The following ERFL variants were observed in gnomAD, a reference collection of about 807,000 sequenced individuals.
ERFL encodes ETS domain-containing transcription factor ERF-like.
A neutral mutation model predicts 27.9 loss-of-function variants in ERFL; 8 were observed. That is an observed-to-expected ratio of 0.29 (90% CI 0.17 to 0.52). The LOEUF (loss-of-function observed/expected upper bound fraction) is 0.52. ERFL is among the 20% of genes least tolerant of loss of function. The probability of loss-of-function intolerance (pLI) is 0.97; values close to 1 mark genes in which losing one functional copy is unlikely to be tolerated. For missense variants in ERFL, 294 were observed against 444.4 expected, an observed-to-expected ratio of 0.66 and a Z score of 3.04; for synonymous variants, 174 against 202.8, an observed-to-expected ratio of 0.86 and a Z score of 1.21.
chr19:41,927,920 T>C (rs1247616851), intron 1 of ERFL, 120 bp downstream of exon 1: 1 of 150,774 alleles, frequency 6.6e-6, no homozygotes, highest in Non-Finnish European at 1.5e-5. Flanking sequence ...CGCCTACCCC[T>C]CCACCGGCTC....
In ERFL at chr19:41,917,364, C is replaced by G. The variant is rs1289042549; in HGVS notation, c.-13-4432G>C. ...TCCTAACGCCCCATCACCACGCCCC[C>G]CTGGGCTGGGGTTTAACCAGTTGTT... On this transcript the variant is annotated intron_variant, in intron 1 of 5. Coordinates refer to ENST00000597630, the MANE Select transcript of ERFL (RefSeq NM_001365103.2). This position sits in a 1 kb window ranked among gnomAD's most constrained non-coding sequence, Gnocchi z 4.8. Among the ~76,000 whole-genome samples the G allele has an allele frequency of 4.6e-5, 7 of 152,008 alleles. No homozygotes were observed. The highest frequency in any genetic ancestry group is 6.6e-5 in the Admixed American group (1 of 15,252).
rs1230244292 is a variant in ERFL at position 41,916,414 on chromosome 19, C to T, written c.-13-3482G>A. Among the ~76,000 whole-genome samples the T allele has an allele frequency of 6.6e-6, 1 of 152,112 alleles. No individual in the cohort carries two copies. The highest frequency in any genetic ancestry group is 2.4e-5 in the African/African-American group (1 of 41,408). Reference sequence around the variant, plus strand: ...GTAAAGTCACACACCAACACTGTCACAGTCACACACACACACATCAGCATA... The same window carrying T: ...GTAAAGTCACACACCAACACTGTCATAGTCACACACACACACATCAGCATA... On this transcript the variant is annotated intron_variant, in intron 1 of 5. Transcript: ENST00000597630. The surrounding 1 kb of genome is among the most constrained non-coding windows in gnomAD (Gnocchi z 5.4).
At position 41,908,382 on chromosome 19, in the gene ERFL, G is replaced by A. The variant is rs1177130515; in HGVS notation, c.911C>T (p.Ala304Val). Reference sequence around the variant, plus strand: ...ACCAAGGGCAGCCTCTGGACCCCCAGCCCCTGGCAGCGCCAGGCGAGGGGC... The same window carrying A: ...ACCAAGGGCAGCCTCTGGACCCCCAACCCCTGGCAGCGCCAGGCGAGGGGC... ...AAAPRLALPG[A>V]GGPEAALGGK... Residue 304 changes from alanine (A) to valine (V), a missense_variant, in exon 6 of 6, where the codon GCT becomes GTT. By Grantham distance (64) the Ala-to-Val change is moderately conservative. Transcript: ENST00000597630. The surrounding 1 kb of genome is among the most constrained non-coding windows in gnomAD (Gnocchi z 6.7). 3 of 1,231,194 alleles carry A rather than the reference G, an allele frequency of 2.4e-6. No individual in the cohort carries two copies. In the African/African-American group the frequency reaches 4.7e-5, roughly 19 times the overall value. 76.3% of individuals were successfully genotyped at this position (1,231,194 alleles called of 1,614,324 possible).
intron 2 of ERFL, among the ~76,000 whole-genome samples, chr19:41,912,210 A>G (rs1246918839): frequency 1.3e-5 from 2 of 152,306 alleles, no homozygotes; most frequent in African/African-American, 4.8e-5. Context: ...CTGTGCAGAC[A>G]CATTCTCCCA....
chr19:41,922,423 T>C (rs782623727), intron 1 of ERFL, among the ~76,000 whole-genome samples: 3 of 151,542 alleles, frequency 2.0e-5, no homozygotes, highest in African/African-American at 4.9e-5. Flanking sequence ...GAGGGGCAGA[T>C]GGATGGGACT....
chr19:41,913,752 C>T (rs1337526551), intron 1 of ERFL, among the ~76,000 whole-genome samples: 2 of 150,800 alleles, frequency 1.3e-5, no homozygotes, highest in Non-Finnish European at 3.0e-5. Context: ...TCCATCCCCT[C>T]CTCACTCCAG....
At position 41,915,804 on chromosome 19, in the gene ERFL, T is replaced by C. The variant is rs539912435; in HGVS notation, c.-13-2872A>G. On this transcript the variant is annotated intron_variant, in intron 1 of 5. Coordinates refer to ENST00000597630, the MANE Select transcript of ERFL (RefSeq NM_001365103.2). ...CTGGCCCCATTGATCGCTGATCGAC[T>C]GATGGAGGGAGCGCGGCCTGCGGGG... Among the ~76,000 whole-genome samples the C allele has an allele frequency of 1.1e-3, 170 of 152,234 alleles. 1 individual carries two copies. Among genetic ancestry groups the C allele is most frequent in the African/African-American group, 3.6e-3 (151 of 41,558 alleles).
intron 1 of ERFL, among the ~76,000 whole-genome samples, chr19:41,923,694 G>A (rs1322398985): frequency 1.7e-5 from 1 of 57,606 alleles, no homozygotes; most frequent in African/African-American, 8.3e-5. Context: ...GGAGGCAGGG[G>A]TGTGCTGGGA....
chr19:41,912,060 T>C (rs2074755565), intron 2 of ERFL, among the ~76,000 whole-genome samples: 1 of 151,152 alleles, frequency 6.6e-6, no homozygotes, highest in East Asian at 1.9e-4. Flanking sequence ...CAAAGGCTCC[T>C]CACCCCACTC....
In ERFL at chr19:41,910,120, G is replaced by A; in HGVS notation, c.68-23C>T. The stretch of plus-strand genomic sequence containing the variant: ...ACCCTGGGGACGGGAGGCAGGGAGT[G>A]GCCTGGGGTCAGGATGCCAAGTCCA... On this transcript the variant is annotated intron_variant, in intron 2 of 5. Transcript: ENST00000597630. The surrounding 1 kb of genome is among the most constrained non-coding windows in gnomAD (Gnocchi z 4.4). 1 of 1,600,808 alleles carries A rather than the reference G, an allele frequency of 6.2e-7. No individual in the cohort carries two copies. The highest frequency in any genetic ancestry group is 8.5e-7 in the Non-Finnish European group (1 of 1,173,846).
chr19:41,909,058 AC>A lies in ERFL; in HGVS notation c.616+1del. On this transcript the variant is annotated splice_donor_variant, in intron 5 of 5. Coordinates refer to ENST00000597630, the MANE Select transcript of ERFL (RefSeq NM_001365103.2). LOFTEE classifies it high-confidence loss of function. The surrounding 1 kb of genome is among the most constrained non-coding windows in gnomAD (Gnocchi z 5.2). ...AGCACCCCAGAACCTCCAGGCTCTT[AC>A]CAGAGCCCAGGAATGGGAAAGGGCT... The A allele has an allele frequency of 8.2e-7, 1 of 1,224,598 alleles. No individual in the cohort carries two copies. Among genetic ancestry groups the A allele is most frequent in the African/African-American group, 1.6e-5 (1 of 63,896 alleles). 75.9% of individuals were successfully genotyped at this position (1,224,598 alleles called of 1,614,324 possible).
intron 1 of ERFL, among the ~76,000 whole-genome samples, chr19:41,926,047 A>T (rs988416389): frequency 6.6e-6 from 1 of 151,940 alleles, no homozygotes; most frequent in African/African-American, 2.4e-5. Flanking sequence ...AAGAAATACG[A>T]ATGTGTGAGG....
chr19:41,916,878 CCAGACACACT>C lies in ERFL; in HGVS notation c.-13-3956_-13-3947del, dbSNP rs1285746581. Reference sequence around the variant, plus strand: ...CCTGCAGAGGTACACACAGACACACCCAGACACACTGGGTAGGGGTGGGCACTCAGAGATG... The same window carrying C: ...CCTGCAGAGGTACACACAGACACACCGGGTAGGGGTGGGCACTCAGAGATG... On this transcript the variant is annotated intron_variant, in intron 1 of 5. Transcript: ENST00000597630. This position sits in a 1 kb window ranked among gnomAD's most constrained non-coding sequence, Gnocchi z 5.4. Among the ~76,000 whole-genome samples the C allele has an allele frequency of 1.3e-5, 2 of 152,010 alleles. No individual in the cohort carries two copies. The highest frequency in any genetic ancestry group is 1.3e-4 in the Admixed American group (2 of 15,258).
intron 1 of ERFL, among the ~76,000 whole-genome samples, chr19:41,922,120 G>A (rs375492221): frequency 6.6e-6 from 1 of 152,086 alleles, no homozygotes; most frequent in Non-Finnish European, 1.5e-5. Context: ...AGCGGGGTGT[G>A]GTGTACACCA....
Position 41,908,811 on chromosome 19 carries a change from T to C in ERFL, c.617-135A>G. 4.2e-6 allele frequency: 2 copies of C among 473,968 alleles called. No homozygotes were observed. Among genetic ancestry groups the C allele is most frequent in the Non-Finnish European group, 6.6e-6 (2 of 301,034 alleles). The allele number at this position is 473,968 out of a possible 1,614,324, so 29.4% of individuals were successfully genotyped here. The stretch of plus-strand genomic sequence containing the variant: ...TGGCATCTTACCCCCTCATACAGCT[T>C]CCCCCAACTCCATCTCCTCCCACTC... On this transcript the variant is annotated intron_variant, in intron 5 of 5. Transcript: ENST00000597630. This position sits in a 1 kb window ranked among gnomAD's most constrained non-coding sequence, Gnocchi z 6.7.
intron 1 of ERFL, among the ~76,000 whole-genome samples, chr19:41,926,507 G>A (rs1284348202): frequency 6.6e-6 from 1 of 152,150 alleles, no homozygotes; most frequent in Non-Finnish European, 1.5e-5. Context: ...CAGATGGTCT[G>A]CCACCTCGAT....
chr19:41,922,843 C>T (rs569667316), intron 1 of ERFL, among the ~76,000 whole-genome samples: 3 of 152,338 alleles, frequency 2.0e-5, no homozygotes, highest in South Asian at 2.1e-4. Flanking sequence ...TCCTGGCCCG[C>T]GCACTGCCGC....
chr19:41,914,879 TC>T (rs1290489405), intron 1 of ERFL, among the ~76,000 whole-genome samples: 1 of 34,106 alleles, frequency 2.9e-5, no homozygotes, highest in Non-Finnish European at 7.0e-5. Flanking sequence ...TGTCTCTCCC[TC>T]CCCTCCATCA....
Position 41,908,505 on chromosome 19 carries a change from A to C in ERFL, c.788T>G (p.Leu263Arg), listed in dbSNP as rs1302355607. Residue 263 changes from leucine (L) to arginine (R), a missense_variant, in exon 6 of 6, where the codon CTG (leucine) becomes CGG (arginine). Transcript: ENST00000597630. The surrounding 1 kb of genome is among the most constrained non-coding windows in gnomAD (Gnocchi z 6.7). ...GCCTCCCCCTGCCCCTGACGAGGGCAGGTGGCCCAGGGAACTGGCCAGAGG... is the reference window on the plus strand; with the variant it reads ...GCCTCCCCCTGCCCCTGACGAGGGCCGGTGGCCCAGGGAACTGGCCAGAGG... The part of the protein sequence containing the change: ...PNPLASSLGH[L>R]PSSGAGGGPT... The C allele has an allele frequency of 8.1e-7, 1 of 1,231,542 alleles. No homozygotes were observed. The highest frequency in any genetic ancestry group is 1.6e-5 in the African/African-American group (1 of 64,380). 76.3% of individuals were successfully genotyped at this position (1,231,542 alleles called of 1,614,324 possible).
Sources: gnomAD v4.1 joint callset for allele counts (sites outside exome capture counted in the v4.1 genomes callset) on GRCh38, gnomAD v4.1.1 for gene constraint, Gnocchi (gnomAD v3.1) non-coding constraint, MANE v1.5 for transcripts, NCBI Gene and HGNC (gene_info 2026-07-23, HGNC 2026-07-21) for gene names.